IL1RAPL1: variants seen among roughly 807,000 people sequenced by gnomAD.
IL1RAPL1 encodes the protein interleukin-1 receptor accessory protein-like 1.
A neutral mutation model predicts 48.4 loss-of-function variants in IL1RAPL1; 3 were observed. The ratio of observed to expected loss-of-function variants is 0.06; its 90% CI spans 0.03 to 0.16. The LOEUF (loss-of-function observed/expected upper bound fraction) is 0.16, where lower values mean the gene tolerates loss of function less well. IL1RAPL1 is among the 10% of genes least tolerant of loss of function. The pLI, the probability that IL1RAPL1 is intolerant of heterozygous loss-of-function variation, is 1.00. For synonymous variants in IL1RAPL1, 185 were observed against 187.7 expected (o/e 0.99, Z 0.12); for missense variants, 349 against 530.6 (o/e 0.66, Z 3.36).
intron 5 of IL1RAPL1, among the ~76,000 whole-genome samples, chrX:29,590,460 T>C (rs1396057797): frequency 8.9e-6 from 1 of 111,950 alleles, no homozygotes; most frequent in East Asian, 2.8e-4. Context: ...TCTTCCTCCC[T>C]GCCTCTCCCG....
At chrX:29,873,214 T>C (rs1449547078) in intron 6 of IL1RAPL1, among the ~76,000 whole-genome samples, 1 of 104,799 alleles carries the variant, frequency 9.5e-6, no homozygotes, top group African/African-American at 3.4e-5. Context: ...ATGTAGCAAA[T>C]AAAAAAAAAA....
At chrX:29,743,474 G>A (rs766550020) in intron 6 of IL1RAPL1, among the ~76,000 whole-genome samples, 1 of 111,015 alleles carries the variant, frequency 9.0e-6, no homozygotes, top group East Asian at 2.8e-4. Flanking sequence ...TGAGATAAAA[G>A]GTCTTTCTCT....
chrX:29,303,026 C>T (rs1162953171), intron 3 of IL1RAPL1, among the ~76,000 whole-genome samples: 2 of 112,375 alleles, frequency 1.8e-5, no homozygotes, highest in East Asian at 5.6e-4. Flanking sequence ...AGCTCCCTAC[C>T]TGTTCCTGAT....
intron 6 of IL1RAPL1, among the ~76,000 whole-genome samples, chrX:29,866,644 GATGT>G (rs1446029421): frequency 9.4e-6 from 1 of 106,553 alleles, no homozygotes; most frequent in Non-Finnish European, 1.9e-5. Flanking sequence ...CACTGATGTT[GATGT>G]ATTTTCAGAA....
chrX:28,997,738 G>A (rs1243617798), intron 2 of IL1RAPL1, among the ~76,000 whole-genome samples: 1 of 111,646 alleles, frequency 9.0e-6, no homozygotes, highest in Non-Finnish European at 1.9e-5. Flanking sequence ...CAGTTTCTCA[G>A]TCTATTTCTG....
At chrX:29,332,539 T>A (rs1602175835) in intron 3 of IL1RAPL1, among the ~76,000 whole-genome samples, 1 of 104,230 alleles carries the variant, frequency 9.6e-6, no homozygotes, top group African/African-American at 3.4e-5. Flanking sequence ...ATATTTGGAA[T>A]CAGAAGATGT....
intron 6 of IL1RAPL1, among the ~76,000 whole-genome samples, chrX:29,838,858 T>C (rs1347590713): frequency 1.8e-5 from 2 of 112,072 alleles, no homozygotes; most frequent in African/African-American, 3.2e-5. Context: ...GCTCATTTGG[T>C]CTCAGCTGGG....
intron 5 of IL1RAPL1, among the ~76,000 whole-genome samples, chrX:29,524,569 G>A (rs1417880297): frequency 4.5e-5 from 5 of 110,831 alleles, no homozygotes; most frequent in African/African-American, 1.6e-4. Flanking sequence ...CACTTCTCTT[G>A]GGCTAGGTTG....
At chrX:29,816,779 C>T (rs182347105) in intron 6 of IL1RAPL1, among the ~76,000 whole-genome samples, 1 of 110,671 alleles carries the variant, frequency 9.0e-6, no homozygotes, top group South Asian at 3.8e-4. Context: ...TTCCTCCCCC[C>T]CCACTGAAAT....
intron 2 of IL1RAPL1, among the ~76,000 whole-genome samples, chrX:29,239,533 C>T (rs1931367248): frequency 8.9e-6 from 1 of 111,740 alleles, no homozygotes; most frequent in Admixed American, 9.5e-5. Context: ...TCATACTGAT[C>T]AAGGTCTCAG....
chrX:29,295,060 G>A (rs1167665121), intron 3 of IL1RAPL1, among the ~76,000 whole-genome samples: 4 of 111,246 alleles, frequency 3.6e-5, no homozygotes, highest in Non-Finnish European at 5.7e-5. Flanking sequence ...AAGGCAATGG[G>A]GGGCCTATGT....
At chrX:28,750,731 T>C (rs992457062) in intron 1 of IL1RAPL1, among the ~76,000 whole-genome samples, 9 of 111,943 alleles carry the variant, frequency 8.0e-5, no homozygotes, top group African/African-American at 9.7e-5. Context: ...GGAAAAGCCA[T>C]ACATTTTTTC....
intron 5 of IL1RAPL1, among the ~76,000 whole-genome samples, chrX:29,600,435 G>A (rs1209297250): frequency 8.9e-6 from 1 of 111,881 alleles, no homozygotes; most frequent in Non-Finnish European, 1.9e-5. Flanking sequence ...TCAGGGGAGT[G>A]AAGTGGACTC....
chrX:29,003,521 T>G (rs1392714), intron 2 of IL1RAPL1, among the ~76,000 whole-genome samples: 2,859 of 112,261 alleles, frequency 0.025, 100 homozygotes, highest in African/African-American at 0.089. Flanking sequence ...GATTCTGTTT[T>G]GCATAACTTG....
At chrX:29,754,859 CATTT>C (rs1928573809) in intron 6 of IL1RAPL1, among the ~76,000 whole-genome samples, 1 of 112,726 alleles carries the variant, frequency 8.9e-6, no homozygotes, top group African/African-American at 3.2e-5. Context: ...AAACAATACA[CATTT>C]ATTATTTCAC....
intron 2 of IL1RAPL1, among the ~76,000 whole-genome samples, chrX:29,262,829 T>C (rs1376116712): frequency 2.7e-5 from 3 of 111,578 alleles, no homozygotes; most frequent in Non-Finnish European, 1.9e-5. Flanking sequence ...TGTGGAGGTA[T>C]CTGTTTCAAA....
intron 1 of IL1RAPL1, among the ~76,000 whole-genome samples, chrX:28,658,524 A>G (rs1310031036): frequency 9.1e-6 from 1 of 110,315 alleles, no homozygotes; most frequent in African/African-American, 3.3e-5. Flanking sequence ...GCCCTCCCCA[A>G]TTAGTTTTTG....
At chrX:29,836,532 C>CT (rs1347975927) in intron 6 of IL1RAPL1, among the ~76,000 whole-genome samples, 1 of 111,732 alleles carries the variant, frequency 8.9e-6, no homozygotes, top group African/African-American at 3.3e-5. Flanking sequence ...TTAAATTTTT[C>CT]TTTTAATGTC....
chrX:29,795,708 G>A (rs765056042), intron 6 of IL1RAPL1, among the ~76,000 whole-genome samples: 8 of 113,171 alleles, frequency 7.1e-5, no homozygotes, highest in African/African-American at 2.6e-4. Context: ...GCTGGGGCTG[G>A]CTTCTTTCAA....
Sources: allele counts gnomAD v4.1 joint callset (sites outside exome capture counted in the v4.1 genomes callset), GRCh38; gene constraint gnomAD v4.1.1; transcripts MANE v1.5; gene names NCBI Gene and HGNC (gene_info 2026-07-23, HGNC 2026-07-21).